Variants in CEP112 observed in about 807,000 individuals in gnomAD.
CEP112 encodes the protein centrosomal protein 112, also known as centrosomal protein of 112 kDa.
Under a neutral mutation model 153.0 loss-of-function variants are expected in CEP112, and 127 were observed. That is an observed-to-expected ratio of 0.83 (90% confidence interval 0.72 to 0.96). CEP112 has a LOEUF of 0.96. CEP112 is among the 40% of genes least tolerant of loss of function. The pLI is 0.00. For missense variants in CEP112, 1,089 were observed against 1,101.2 expected (o/e 0.99, Z 0.16); for synonymous variants, 358 against 374.4 (o/e 0.96, Z 0.51).
At chr17:65,825,841 C>T (rs1265895756) in intron 21 of CEP112, among the ~76,000 whole-genome samples, 1 of 152,156 alleles carries the variant, frequency 6.6e-6, no homozygotes, top group African/African-American at 2.4e-5. Flanking sequence ...AGCTTTTGAG[C>T]AAGGGAGAAA....
chr17:65,999,557 G>A (rs907486693), intron 17 of CEP112, among the ~76,000 whole-genome samples: 1 of 119,962 alleles, frequency 8.3e-6, no homozygotes, highest in African/African-American at 3.4e-5. Flanking sequence ...ATATAATCCT[G>A]AAAGCATTTT....
At chr17:65,720,457 G>C (rs368134462) in intron 23 of CEP112, among the ~76,000 whole-genome samples, 110 of 152,314 alleles carry the variant, frequency 7.2e-4, no homozygotes, top group African/African-American at 2.6e-3. Context: ...GGCCGTGAAG[G>C]TTTCTAGGAA....
intron 21 of CEP112, among the ~76,000 whole-genome samples, chr17:65,821,534 ATATATATTTTTTT>A (rs1245524743): frequency 3.1e-5 from 1 of 32,702 alleles, no homozygotes; most frequent in Admixed American, 4.5e-4. Context: ...ATATATATAT[ATATATATTTTTTT>A]TTTTTTTTTT....
chr17:66,067,577 G>C (rs1196924822), intron 9 of CEP112, among the ~76,000 whole-genome samples: 4 of 151,962 alleles, frequency 2.6e-5, no homozygotes, highest in African/African-American at 9.7e-5. Context: ...TTTTCAATGA[G>C]CATAATATTT....
chr17:65,653,815 C>T (rs1005247516), intron 24 of CEP112, among the ~76,000 whole-genome samples: 8 of 151,970 alleles, frequency 5.3e-5, no homozygotes, highest in Non-Finnish European at 1.0e-4. Context: ...AATCCCAGCA[C>T]TTTGGGAGCC....
chr17:65,655,453 GGGCCACA>G (rs1316853412), intron 24 of CEP112: 1 of 1,038,272 alleles, frequency 9.6e-7, no homozygotes. Flanking sequence ...TCTTTTGAAT[GGGCCACA>G]GTGTTTATGT....
chr17:66,003,889 C>T (rs544860181), intron 17 of CEP112, among the ~76,000 whole-genome samples: 20 of 152,190 alleles, frequency 1.3e-4, no homozygotes, highest in African/African-American at 4.3e-4. Flanking sequence ...CCATTCCCCA[C>T]CCACCCCCTA....
At chr17:66,124,365 C>T (rs993991704) in intron 6 of CEP112, among the ~76,000 whole-genome samples, 5 of 151,982 alleles carry the variant, frequency 3.3e-5, no homozygotes, top group Non-Finnish European at 7.4e-5. Context: ...GGTGACTAGG[C>T]ATACTCTCAG....
At chr17:66,128,459 C>T (rs2069966501) in intron 6 of CEP112, among the ~76,000 whole-genome samples, 2 of 152,172 alleles carry the variant, frequency 1.3e-5, no homozygotes, top group Middle Eastern at 3.4e-3. Context: ...CATTAAAGAC[C>T]ATTATTAGTA....
chr17:65,676,262 A>G (rs1052356423), intron 24 of CEP112, among the ~76,000 whole-genome samples: 1 of 150,830 alleles, frequency 6.6e-6, no homozygotes, highest in Non-Finnish European at 1.5e-5. Context: ...CAGGAGGCGG[A>G]GGTTTCAGTG....
At chr17:66,178,234 C>A (rs892125476) in intron 2 of CEP112, among the ~76,000 whole-genome samples, 1 of 152,104 alleles carries the variant, frequency 6.6e-6, no homozygotes, top group Non-Finnish European at 1.5e-5. Flanking sequence ...TTGTTATTGC[C>A]TGTCTTTGGA....
At chr17:65,844,209 TA>T (rs1470914303) in intron 21 of CEP112, among the ~76,000 whole-genome samples, 1 of 152,220 alleles carries the variant, frequency 6.6e-6, no homozygotes, top group Non-Finnish European at 1.5e-5. Flanking sequence ...GTAAAACTAC[TA>T]ATAAATCTAC....
chr17:65,919,098 C>T (rs902681458), intron 19 of CEP112, among the ~76,000 whole-genome samples: 1 of 152,200 alleles, frequency 6.6e-6, no homozygotes, highest in Non-Finnish European at 1.5e-5. Context: ...ATAGCACCCC[C>T]CTGGGGGATC....
intron 8 of CEP112, among the ~76,000 whole-genome samples, chr17:66,092,360 C>CACACAA (rs998411599): frequency 6.7e-6 from 1 of 149,304 alleles, no homozygotes; most frequent in Non-Finnish European, 1.5e-5. Flanking sequence ...AATTTAAACA[C>CACACAA]ACACACACAC....
chr17:65,860,522 A>G (rs1425410272), intron 20 of CEP112, among the ~76,000 whole-genome samples: 6 of 152,218 alleles, frequency 3.9e-5, no homozygotes, highest in Admixed American at 3.9e-4. Flanking sequence ...TATCATAATC[A>G]ACACAGTATA....
In CEP112 at chr17:65,940,899, C is replaced by A. The variant is rs879351657; in HGVS notation, c.1873-13210G>T. 2.5e-4 allele frequency among the ~76,000 whole-genome samples: 38 copies of A among 152,184 alleles called. 1 individual carries two copies. The highest frequency in any genetic ancestry group is 2.1e-3 in the East Asian group (11 of 5,178). ...TATTTCAAATAGTCACCACAAAAAACCAGTAAATGAGGTTATGGCTATGTT... is the reference window on the plus strand; with the variant it reads ...TATTTCAAATAGTCACCACAAAAAAACAGTAAATGAGGTTATGGCTATGTT... On this transcript the variant is annotated intron_variant, in intron 18 of 26. Coordinates refer to ENST00000535342, the MANE Select transcript of CEP112 (RefSeq NM_001199165.4).
At chr17:66,149,223 T>C (rs572814688) in intron 4 of CEP112, among the ~76,000 whole-genome samples, 4 of 152,238 alleles carry the variant, frequency 2.6e-5, no homozygotes, top group Non-Finnish European at 4.4e-5. Flanking sequence ...AATGTGCTGT[T>C]GAATTCAGTT....
intron 18 of CEP112, among the ~76,000 whole-genome samples, chr17:65,937,998 T>C (rs1341115256): frequency 1.7e-5 from 2 of 119,306 alleles, no homozygotes; most frequent in Non-Finnish European, 1.8e-5. Context: ...GGGGAAAAGA[T>C]TGAGAAATCG....
intron 21 of CEP112, among the ~76,000 whole-genome samples, chr17:65,831,088 C>A (rs188490059): frequency 6.6e-6 from 1 of 152,162 alleles, no homozygotes; most frequent in South Asian, 2.1e-4. Flanking sequence ...CCAAAGAATA[C>A]GTGCATAAAA....
Sources: gnomAD v4.1 joint callset for allele counts (sites outside exome capture counted in the v4.1 genomes callset) on GRCh38, gnomAD v4.1.1 for gene constraint, MANE v1.5 for transcripts, NCBI Gene and HGNC (gene_info 2026-07-23, HGNC 2026-07-21) for gene names.